Variants in TRIM6 observed in about 807,000 individuals in gnomAD.
TRIM6 encodes tripartite motif containing 6.
TRIM6 carries 43 observed loss-of-function variants against 51.2 expected under a neutral mutation model. That is an observed-to-expected ratio of 0.84 (90% CI 0.66 to 1.08). The LOEUF is 1.08. TRIM6 is among the 50% of genes least tolerant of loss of function. The pLI is 0.00. For missense variants in TRIM6, 669 were observed against 619.0 expected (o/e 1.08, Z -0.86); for synonymous variants, 215 against 232.4 (o/e 0.93, Z 0.68).
rs1343399103 is a variant in TRIM6, at chr11:5,612,413, A to AT, written c.*1072dup. The AT allele has an allele frequency of 7.1e-6, 1 of 141,242 alleles. No individual in the cohort carries two copies. Among genetic ancestry groups the AT allele is most frequent in the Non-Finnish European group, 1.6e-5 (1 of 62,706 alleles). 8.7% of individuals were successfully genotyped at this position (141,242 alleles called of 1,614,324 possible). On this transcript the variant is annotated 3_prime_UTR_variant, in exon 8 of 8. Coordinates refer to ENST00000380097, the MANE Select transcript of TRIM6 (RefSeq NM_001003818.3). Reference sequence around the variant, plus strand: ...TACATTTAAGAGTAGCAATAGAACAATAAAAAAAAATACGTCTTTCAAATT... The same window carrying AT: ...TACATTTAAGAGTAGCAATAGAACAATTAAAAAAAAATACGTCTTTCAAATT...
At chr11:5,609,126 C>T (rs780870256) in intron 5 of TRIM6, among the ~76,000 whole-genome samples, 2 of 152,068 alleles carry the variant, frequency 1.3e-5, no homozygotes, top group Non-Finnish European at 2.9e-5. Context: ...GCCCGGGAAT[C>T]AAACATGTTC....
intron 7 of TRIM6, 67 bp downstream of exon 7, chr11:5,610,628 CAT>C: frequency 6.3e-7 from 1 of 1,583,470 alleles, no homozygotes; most frequent in Non-Finnish European, 8.6e-7. Flanking sequence ...CCTCCCCAGA[CAT>C]AGCCACACAG....
In TRIM6 at chr11:5,606,570, G is replaced by T. The variant is rs141772553; in HGVS notation, c.834+1003G>T. Among the ~76,000 whole-genome samples, 45 of 152,106 alleles carry T rather than the reference G, an allele frequency of 3.0e-4. 1 individual carries two copies. The East Asian group carries it at 8.5e-3, about 29-fold the overall frequency. The stretch of plus-strand genomic sequence containing the variant: ...TTAGAGCCATGGGTAGCTACTTTCT[G>T]CCTGTTACAGCTTTTTCTCATTCAC... On this transcript the variant is annotated intron_variant, in intron 4 of 7. Transcript: ENST00000380097.
At chr11:5,602,163 G>A (rs1451850620) in intron 1 of TRIM6, among the ~76,000 whole-genome samples, 4 of 152,164 alleles carry the variant, frequency 2.6e-5, no homozygotes, top group South Asian at 4.1e-4. Context: ...AAAATAGACC[G>A]GGTGCAGTGG....
intron 4 of TRIM6, 124 bp downstream of exon 4, chr11:5,605,691 A>G: frequency 8.4e-7 from 1 of 1,191,072 alleles, no homozygotes; most frequent in Non-Finnish European, 1.1e-6. Context: ...TTGGCGCTAT[A>G]GTGCCTATCC....
chr11:5,604,724 G>C (rs1009531564), intron 3 of TRIM6, 95 bp downstream of exon 3: 1 of 1,331,388 alleles, frequency 7.5e-7, no homozygotes, highest in African/African-American at 1.5e-5. Context: ...TCTGTCCTCT[G>C]ATGCCATGAC....
At chr11:5,606,280 T>C (rs1848202563) in intron 4 of TRIM6, among the ~76,000 whole-genome samples, 1 of 152,204 alleles carries the variant, frequency 6.6e-6, no homozygotes. Flanking sequence ...GGCTCTGGTC[T>C]GTATGTGTGT....
intron 1 of TRIM6, 41 bp downstream of exon 1, chr11:5,596,955 C>G: frequency 6.2e-7 from 1 of 1,613,970 alleles, no homozygotes. Context: ...ATTGTCACTT[C>G]TGGCAGAGGT....
intron 1 of TRIM6, among the ~76,000 whole-genome samples, chr11:5,602,212 G>A (rs928040808): frequency 1.5e-4 from 23 of 151,970 alleles, no homozygotes; most frequent in African/African-American, 4.8e-4. Flanking sequence ...AGGCCAAGGC[G>A]GGCGGATCAT....
At chr11:5,605,849 CT>C (rs1848173868) in intron 4 of TRIM6, among the ~76,000 whole-genome samples, 1 of 152,312 alleles carries the variant, frequency 6.6e-6, no homozygotes, top group East Asian at 1.9e-4. Flanking sequence ...TGATGTTGTT[CT>C]TTCTTTCTCA....
In TRIM6 at chr11:5,611,137, C is replaced by T; in HGVS notation, c.1346C>T (p.Ser449Phe). The T allele has an allele frequency of 6.2e-7, 1 of 1,614,148 alleles. No homozygotes were observed. The highest frequency in any genetic ancestry group is 8.5e-7 in the Non-Finnish European group (1 of 1,180,020). The change falls in exon 8 of 8, where the codon TCC (serine) becomes TTC (phenylalanine). Residue 449 changes from serine (S) to phenylalanine (F), a missense_variant. Ser to Phe is a radical substitution (Grantham distance 155, BLOSUM62 -2). Transcript: ENST00000380097. The stretch of plus-strand genomic sequence containing the variant: ...AGGGCCTATGAGGATTCTTCCCCTT[C>T]CCTGCTTCTCTCCATGACAGTGCCC... ...EYRAYEDSSP[S>F]LLLSMTVPPR...
At position 5,603,380 on chromosome 11, in the gene TRIM6, C is replaced by A. The variant is rs1373616231; in HGVS notation, c.152C>A (p.Thr51Lys). The change falls in exon 2 of 8, where the codon ACA (threonine) becomes AAA (lysine). Residue 51 changes from threonine to lysine, a missense_variant. By Grantham distance (78) the Thr-to-Lys change is moderately conservative (BLOSUM62 -1). Transcript: ENST00000380097. The stretch of plus-strand genomic sequence containing the variant: ...TGCCCTATCTGCCTGGAGCTCCTAA[C>A]AGAACCCCTGAGCATAGACTGTGGC... ...VTCPICLELL[T>K]EPLSIDCGHS... 6.2e-7 allele frequency: 1 copy of A among 1,614,088 alleles called. No individual in the cohort carries two copies. The highest frequency in any genetic ancestry group is 1.1e-5 in the South Asian group (1 of 91,078).
rs61758095 is a variant in TRIM6 at position 5,603,291 on chromosome 11, A to G, written c.63A>G (p.Ala21=). The part of the protein sequence containing the change: ...GNILEIRVGQ[A]GARRVATMTS... The stretch of plus-strand genomic sequence containing the variant: ...TCTTAGAAATCAGGGTTGGGCAGGC[A>G]GGAGCCAGGAGAGTAGCTACAATGA... Residue 21 remains alanine, a synonymous_variant, in exon 2 of 8, where the codon GCA becomes GCG. Coordinates refer to ENST00000380097, the MANE Select transcript of TRIM6 (RefSeq NM_001003818.3). 4 of 1,614,088 alleles carry G rather than the reference A, an allele frequency of 2.5e-6. No individual in the cohort carries two copies. Among genetic ancestry groups the G allele is most frequent in the Middle Eastern group, 3.3e-4 (2 of 6,062 alleles).
rs1847492056 is a variant in TRIM6 at position 5,596,784 on chromosome 11, G to A, written c.-114G>A. ...GCGTGGTTGAGTTTAGATAAAAGCC[G>A]AGTGAGCGCGCTCTGTTCCTTAAGA... On this transcript the variant is annotated 5_prime_UTR_variant, in exon 1 of 8. Coordinates refer to ENST00000380097, the MANE Select transcript of TRIM6 (RefSeq NM_001003818.3). 5.8e-6 allele frequency: 9 copies of A among 1,550,476 alleles called. No individual in the cohort carries two copies. In the South Asian group the frequency reaches 7.8e-5, roughly 13 times the overall value.
intron 6 of TRIM6, 69 bp downstream of exon 6, chr11:5,610,314 G>A (rs1186876807): frequency 3.1e-6 from 5 of 1,605,762 alleles, no homozygotes; most frequent in East Asian, 4.5e-5. Flanking sequence ...ACGGGATAGA[G>A]GCTATAGTCG....
chr11:5,609,868 A>G (rs1186387317), intron 5 of TRIM6, among the ~76,000 whole-genome samples: 1 of 152,192 alleles, frequency 6.6e-6, no homozygotes, highest in Non-Finnish European at 1.5e-5. Flanking sequence ...GGTTGCAGTG[A>G]GCCGAGATCG....
chr11:5,604,792 G>A (rs927398798), intron 3 of TRIM6, 163 bp downstream of exon 3: 2 of 665,092 alleles, frequency 3.0e-6, no homozygotes, highest in East Asian at 3.0e-5. Flanking sequence ...AGGGGGAGGA[G>A]AGGAGGTAAA....
At chr11:5,606,040 A>G (rs566701455) in intron 4 of TRIM6, among the ~76,000 whole-genome samples, 1 of 152,316 alleles carries the variant, frequency 6.6e-6, no homozygotes, top group African/African-American at 2.4e-5. Context: ...GGGTGAACAC[A>G]GTGCTCTCCC....
intron 4 of TRIM6, among the ~76,000 whole-genome samples, chr11:5,606,229 A>G (rs1848198457): frequency 6.6e-6 from 1 of 152,198 alleles, no homozygotes; most frequent in Admixed American, 6.5e-5. Flanking sequence ...ATCATTTAAC[A>G]TACTGTAGCA....
Sources: gnomAD v4.1 joint callset for allele counts (sites outside exome capture counted in the v4.1 genomes callset) on GRCh38, gnomAD v4.1.1 for gene constraint, MANE v1.5 for transcripts, NCBI Gene and HGNC (gene_info 2026-07-23, HGNC 2026-07-21) for gene names.